VIT: variants seen among roughly 807,000 people sequenced by gnomAD.
VIT encodes vitrin.
VIT carries 99 observed loss-of-function variants against 78.0 expected under a neutral mutation model. The ratio of observed to expected loss-of-function variants is 1.27; its 90% confidence interval spans 1.08 to 1.50. The LOEUF (loss-of-function observed/expected upper bound fraction) is 1.50. VIT is among the 40% of genes most tolerant of loss of function. The pLI is 0.00. For missense variants in VIT, 1,126 were observed against 875.3 expected, an observed-to-expected ratio of 1.29 and a Z score of -3.61; for synonymous variants, 374 against 334.3, an observed-to-expected ratio of 1.12 and a Z score of -1.29.
At chr2:36,760,571 G>A (rs1269921196) in intron 6 of VIT, among the ~76,000 whole-genome samples, 1 of 152,180 alleles carries the variant, frequency 6.6e-6, no homozygotes, top group Non-Finnish European at 1.5e-5. Flanking sequence ...CCTGGGCACA[G>A]AGACGAAGAA....
chr2:36,743,305 G>A, intron 4 of VIT, 49 bp downstream of exon 4: 1 of 1,496,954 alleles, frequency 6.7e-7, no homozygotes, highest in Middle Eastern at 1.8e-4. Context: ...CAGGGTGTTG[G>A]CAGGGAGCCC....
At chr2:36,806,111 C>T (rs1481637329) in intron 14 of VIT, among the ~76,000 whole-genome samples, 4 of 152,172 alleles carry the variant, frequency 2.6e-5, no homozygotes, top group East Asian at 3.8e-4. Flanking sequence ...AGTGAGATCG[C>T]GTTTTCAGAT....
At chr2:36,734,997 C>T (rs1051428499) in intron 3 of VIT, among the ~76,000 whole-genome samples, 3 of 152,024 alleles carry the variant, frequency 2.0e-5, no homozygotes, top group Middle Eastern at 3.2e-3. Context: ...AACCCCGTCT[C>T]TACTAAAAAT....
intron 12 of VIT, among the ~76,000 whole-genome samples, chr2:36,791,884 C>T (rs1418698128): frequency 6.6e-6 from 1 of 152,038 alleles, no homozygotes; most frequent in African/African-American, 2.4e-5. Context: ...CAATAGGAAG[C>T]TAATACAACT....
At chr2:36,757,823 G>C (rs1425723960) in intron 5 of VIT, among the ~76,000 whole-genome samples, 1 of 152,090 alleles carries the variant, frequency 6.6e-6, no homozygotes, top group Non-Finnish European at 1.5e-5. Context: ...TTCCTGTTTT[G>C]TGAATGAAAA....
intron 12 of VIT, among the ~76,000 whole-genome samples, chr2:36,790,174 T>C (rs1285593128): frequency 6.6e-6 from 1 of 152,204 alleles, no homozygotes; most frequent in Non-Finnish European, 1.5e-5. Flanking sequence ...CTCAATCTCC[T>C]ACTCAAAGAC....
chr2:36,770,325 A>G (rs1215710278), intron 7 of VIT, among the ~76,000 whole-genome samples: 2 of 152,218 alleles, frequency 1.3e-5, no homozygotes, highest in Non-Finnish European at 2.9e-5. Flanking sequence ...TTTGTACTCC[A>G]CAATGGGATC....
At position 36,789,749 on chromosome 2, in the gene VIT, T is replaced by G. The variant is rs114843665; in HGVS notation, c.1058+2473T>G. Among the ~76,000 whole-genome samples the G allele has an allele frequency of 5.1e-3, 774 of 152,284 alleles. 8 individuals are homozygous for G. The highest frequency in any genetic ancestry group is 0.018 in the African/African-American group (741 of 41,564). On this transcript the variant is annotated intron_variant, in intron 12 of 15. Transcript: ENST00000379242. ...CTCCCCCTTAAAATCATCCCTGCAC[T>G]CTTGGAATCACAGGCTGAGGCCTTG...
In VIT at chr2:36,773,789, A is replaced by T. The variant is rs1346585732; in HGVS notation, c.680-2A>T. Reference sequence around the variant, plus strand: ...GCTCTGACCAGTCAAATGTCCTTACAGATCTCTGGTCCACTGCCACCTACA... The same window carrying T: ...GCTCTGACCAGTCAAATGTCCTTACTGATCTCTGGTCCACTGCCACCTACA... On this transcript the variant is annotated splice_acceptor_variant, in intron 7 of 15. Coordinates refer to ENST00000379242, the MANE Select transcript of VIT (RefSeq NM_053276.4). LOFTEE classifies it high-confidence loss of function. 2 of 1,592,934 alleles carry T rather than the reference A, an allele frequency of 1.3e-6. No homozygotes were observed. The highest frequency in any genetic ancestry group is 1.7e-6 in the Non-Finnish European group (2 of 1,167,816).
intron 14 of VIT, among the ~76,000 whole-genome samples, chr2:36,807,492 G>A (rs1666817246): frequency 6.6e-6 from 1 of 152,130 alleles, no homozygotes; most frequent in African/African-American, 2.4e-5. Flanking sequence ...TGAGCTCCAC[G>A]GAAAGTTTTG....
At chr2:36,791,758 T>C (rs1316275096) in intron 12 of VIT, among the ~76,000 whole-genome samples, 1 of 152,222 alleles carries the variant, frequency 6.6e-6, no homozygotes, top group African/African-American at 2.4e-5. Context: ...GGGGCACAGC[T>C]CTGGCCACAC....
intron 6 of VIT, among the ~76,000 whole-genome samples, chr2:36,764,923 T>C (rs1669328448): frequency 6.6e-6 from 1 of 151,974 alleles, no homozygotes; most frequent in African/African-American, 2.4e-5. Flanking sequence ...AAGCACCTTC[T>C]TATTTCAGAT....
At chr2:36,787,644 A>G (rs959742078) in intron 12 of VIT, 22 of 330,360 alleles carry the variant, frequency 6.7e-5, no homozygotes, top group Admixed American at 1.4e-4. Flanking sequence ...TCTGTAGATC[A>G]TGAAGGTTGG....
chr2:36,758,920 A>G (rs1668931852), intron 5 of VIT, 49 bp from the exon 6 acceptor site: 1 of 1,528,508 alleles, frequency 6.5e-7, no homozygotes, highest in Admixed American at 1.7e-5. Context: ...ACCATCTAAA[A>G]CCTCTAGCTC....
chr2:36,763,583 C>CTTTTT (rs70946947), intron 6 of VIT, among the ~76,000 whole-genome samples: 1 of 60,432 alleles, frequency 1.7e-5, no homozygotes. Context: ...TCTATCTTCC[C>CTTTTT]TTTTTTTTTT....
At chr2:36,736,355 A>G (rs1274005138) in intron 3 of VIT, among the ~76,000 whole-genome samples, 2 of 152,266 alleles carry the variant, frequency 1.3e-5, no homozygotes, top group Non-Finnish European at 2.9e-5. Flanking sequence ...CCTACTCTTT[A>G]ACTTATGAGA....
At chr2:36,712,390 C>G (rs750447947) in intron 1 of VIT, among the ~76,000 whole-genome samples, 1 of 152,154 alleles carries the variant, frequency 6.6e-6, no homozygotes, top group Non-Finnish European at 1.5e-5. Context: ...AAGGTCATGT[C>G]CATCATGACT....
At position 36,717,471 on chromosome 2, in the gene VIT, T is replaced by G. The variant is rs1311583194; in HGVS notation, c.52+1049T>G. Reference sequence around the variant, plus strand: ...CAGGATGGTCTCGATCTCCTGACCTTGTGATCCTCCTGCCTCAGCCTCCCA... The same window carrying G: ...CAGGATGGTCTCGATCTCCTGACCTGGTGATCCTCCTGCCTCAGCCTCCCA... On this transcript the variant is annotated intron_variant, in intron 2 of 15. Transcript: ENST00000379242. Among the ~76,000 whole-genome samples the G allele has an allele frequency of 2.8e-5, 4 of 143,900 alleles. No individual in the cohort carries two copies. The East Asian group carries it at 8.8e-4, about 32-fold the overall frequency. The allele number at this position is 143,900 out of a possible 152,430, so 94.4% of individuals were successfully genotyped here.
intron 4 of VIT, among the ~76,000 whole-genome samples, chr2:36,753,409 T>C (rs915791445): frequency 2.6e-5 from 4 of 152,182 alleles, no homozygotes; most frequent in African/African-American, 9.7e-5. Context: ...AAAGCAGGTG[T>C]CCGCGGCACC....
Sources: allele counts gnomAD v4.1 joint callset (sites outside exome capture counted in the v4.1 genomes callset), GRCh38; gene constraint gnomAD v4.1.1; transcripts MANE v1.5; gene names NCBI Gene and HGNC (gene_info 2026-07-23, HGNC 2026-07-21).